MTMR8: variants seen among roughly 807,000 people sequenced by gnomAD.
MTMR8 encodes myotubularin related protein 8.
In MTMR8, 65 loss-of-function variants were observed where a neutral mutation model predicts 39.3. The ratio of observed to expected loss-of-function variants is 1.65; its 90% CI spans 1.35 to 2.03. The LOEUF (loss-of-function observed/expected upper bound fraction) is 2.03, where lower values mean the gene tolerates loss of function less well. MTMR8 is among the 30% of genes most tolerant of loss of function. The probability of loss-of-function intolerance (pLI) is 0.00; values close to 1 mark genes in which losing one functional copy is unlikely to be tolerated. For missense variants in MTMR8, 777 were observed against 538.9 expected (o/e 1.44, Z -4.37); for synonymous variants, 245 against 185.2 (o/e 1.32, Z -2.62).
At chrX:64,284,548 G>GA (rs764390072) in intron 12 of MTMR8, among the ~76,000 whole-genome samples, 89 of 111,563 alleles carry the variant, frequency 8.0e-4, no homozygotes, top group African/African-American at 2.7e-3. Flanking sequence ...TGAAATGAAG[G>GA]AAAAAATGTT....
intron 1 of MTMR8, among the ~76,000 whole-genome samples, chrX:64,381,988 G>A (rs751303344): frequency 8.9e-6 from 1 of 111,819 alleles, no homozygotes; most frequent in Admixed American, 9.5e-5. Flanking sequence ...GCAGTACCAT[G>A]CTGTTTTGGT....
At chrX:64,368,288 C>T (rs1023534169) in intron 1 of MTMR8, among the ~76,000 whole-genome samples, 4 of 111,671 alleles carry the variant, frequency 3.6e-5, no homozygotes, top group Admixed American at 9.5e-5. Flanking sequence ...CAAAAAAGAG[C>T]CCGCATTGCC....
At chrX:64,331,319 G>A in intron 11 of MTMR8, 1 of 381,008 alleles carries the variant, frequency 2.6e-6, no homozygotes, top group Non-Finnish European at 4.6e-6. Context: ...TATTTTACTG[G>A]ATCCTCATGA....
In MTMR8 at chrX:64,328,832, A is replaced by G. The variant is rs749401463; in HGVS notation, c.1421T>C (p.Leu474Pro). 1 of 1,203,880 alleles carries G rather than the reference A, an allele frequency of 8.3e-7. No individual in the cohort carries two copies. The highest frequency in any genetic ancestry group is 1.1e-6 in the Non-Finnish European group (1 of 891,554). ...VQRKPDFRNPLYKGFTMYGVL... is the reference protein window; with the variant it reads ...VQRKPDFRNPPYKGFTMYGVL... ...CCCATACATAGTGAAGCCTTTATAGAGAGGGTTCCTGAAGTCTGGTTTCCT... is the reference window on the plus strand; with the variant it reads ...CCCATACATAGTGAAGCCTTTATAGGGAGGGTTCCTGAAGTCTGGTTTCCT... Residue 474 changes from leucine (L) to proline (P), a missense_variant, in exon 12 of 14, where the codon CTC becomes CCC. Transcript: ENST00000374852.
intron 12 of MTMR8, among the ~76,000 whole-genome samples, chrX:64,289,089 C>G (rs984982131): frequency 3.6e-5 from 4 of 109,684 alleles, no homozygotes; most frequent in Non-Finnish European, 7.6e-5. Context: ...CAATGAAAAA[C>G]AATTATAAAG....
intron 12 of MTMR8, among the ~76,000 whole-genome samples, chrX:64,291,392 C>T (rs1400680713): frequency 9.0e-6 from 1 of 110,809 alleles, no homozygotes; most frequent in African/African-American, 3.3e-5. Flanking sequence ...GACATGCTGC[C>T]TAGTCATCTA....
intron 12 of MTMR8, among the ~76,000 whole-genome samples, chrX:64,300,115 G>A (rs769036569): frequency 3.9e-5 from 4 of 103,167 alleles, no homozygotes; most frequent in Middle Eastern, 4.9e-3. Flanking sequence ...GCAGAGCTGA[G>A]TTCAATTCCT....
chrX:64,283,213 A>G (rs1432913744), intron 12 of MTMR8, among the ~76,000 whole-genome samples: 7 of 111,901 alleles, frequency 6.3e-5, no homozygotes, highest in Non-Finnish European at 3.8e-5. Flanking sequence ...ACGCCCAAAA[A>G]GCCTCGCTCA....
intron 1 of MTMR8, among the ~76,000 whole-genome samples, chrX:64,371,714 C>T (rs989679471): frequency 9.0e-6 from 1 of 111,361 alleles, no homozygotes; most frequent in Non-Finnish European, 1.9e-5. Flanking sequence ...AATTTATACA[C>T]ATGAGAATAT....
rs754479917 is a variant in MTMR8, at chrX:64,389,032, G to A, written c.24+6308C>T. Among the ~76,000 whole-genome samples the A allele has an allele frequency of 7.2e-5, 8 of 111,769 alleles. No homozygotes were observed. The East Asian group carries it at 1.7e-3, about 23-fold the overall frequency. Reference sequence around the variant, plus strand: ...CTTGGGTCACAGACTGTTTGGCTTCGTATTTCCAGCTCTGGGCAAGTTGCT... The same window carrying A: ...CTTGGGTCACAGACTGTTTGGCTTCATATTTCCAGCTCTGGGCAAGTTGCT... On this transcript the variant is annotated intron_variant, in intron 1 of 13. Coordinates refer to ENST00000374852, the MANE Select transcript of MTMR8 (RefSeq NM_017677.4).
chrX:64,275,987 C>T (rs1469489215), intron 12 of MTMR8, among the ~76,000 whole-genome samples: 3 of 111,288 alleles, frequency 2.7e-5, no homozygotes, highest in African/African-American at 9.8e-5. Flanking sequence ...CAAAGAAAAG[C>T]CCAGGGCTAG....
At chrX:64,343,466 T>G in intron 8 of MTMR8, 145 bp downstream of exon 8, 2 of 400,643 alleles carry the variant, frequency 5.0e-6, no homozygotes, top group Admixed American at 4.3e-5. Context: ...AAAAGAGACT[T>G]GCCCAAGGGC....
At chrX:64,374,558 A>T (rs973101739) in intron 1 of MTMR8, among the ~76,000 whole-genome samples, 1 of 111,768 alleles carries the variant, frequency 8.9e-6, no homozygotes, top group Non-Finnish European at 1.9e-5. Context: ...TACCATCAGT[A>T]TTTAGGAAAC....
intron 12 of MTMR8, among the ~76,000 whole-genome samples, chrX:64,301,476 T>C (rs1307317050): frequency 1.2e-4 from 13 of 106,914 alleles, no homozygotes. Flanking sequence ...TTATACATTC[T>C]TCTAAATTTT....
chrX:64,302,243 G>T (rs893869872), intron 12 of MTMR8, among the ~76,000 whole-genome samples: 1 of 112,685 alleles, frequency 8.9e-6, no homozygotes, highest in Middle Eastern at 4.2e-3. Flanking sequence ...GACCCTCCGA[G>T]CCAGGTGTGG....
intron 1 of MTMR8, among the ~76,000 whole-genome samples, chrX:64,385,890 C>A (rs372094052): frequency 9.0e-6 from 1 of 111,392 alleles, no homozygotes; most frequent in Non-Finnish European, 1.9e-5. Flanking sequence ...ACATCAGAGA[C>A]CATTGTTTTG....
At chrX:64,319,544 A>C (rs1335026173) in intron 12 of MTMR8, among the ~76,000 whole-genome samples, 12 of 112,064 alleles carry the variant, frequency 1.1e-4, no homozygotes, top group African/African-American at 3.9e-4. Flanking sequence ...TAGGTCTAAC[A>C]TTTAAGTCTT....
At chrX:64,363,855 T>A (rs750336628) in intron 1 of MTMR8, among the ~76,000 whole-genome samples, 1 of 111,800 alleles carries the variant, frequency 8.9e-6, no homozygotes, top group African/African-American at 3.2e-5. Flanking sequence ...CGTGACGGAC[T>A]GTACCTGGAA....
At chrX:64,347,055 G>A (rs1448080587) in intron 6 of MTMR8, among the ~76,000 whole-genome samples, 1 of 110,993 alleles carries the variant, frequency 9.0e-6, no homozygotes, top group Non-Finnish European at 1.9e-5. Context: ...ATTTGCCCAA[G>A]ATGATATGGA....
Sources: gnomAD v4.1 joint callset for allele counts (sites outside exome capture counted in the v4.1 genomes callset) on GRCh38, gnomAD v4.1.1 for gene constraint, MANE v1.5 for transcripts, NCBI Gene and HGNC (gene_info 2026-07-23, HGNC 2026-07-21) for gene names.